The following LPAR1 variants were observed in gnomAD, a reference collection of about 807,000 sequenced individuals.
LPAR1 encodes the protein LPA receptor 1.
Under a neutral mutation model 23.8 loss-of-function variants are expected in LPAR1, and 5 were observed. The ratio of observed to expected loss-of-function variants is 0.21; its 90% CI spans 0.11 to 0.44. The LOEUF is 0.44. Among genes scored for constraint, LPAR1 ranks in the 20% least tolerant of loss-of-function variants. LPAR1 has a pLI of 0.99. For synonymous variants in LPAR1, 160 were observed against 164.7 expected, an observed-to-expected ratio of 0.97 and a Z score of 0.22; for missense variants, 311 against 482.8, an observed-to-expected ratio of 0.64 and a Z score of 3.33.
chr9:110,909,770 G>A (rs184667613), intron 5 of LPAR1, among the ~76,000 whole-genome samples: 2 of 120,444 alleles, frequency 1.7e-5, no homozygotes, highest in Admixed American at 8.5e-5. Flanking sequence ...TTTAGAGAGA[G>A]GGTCTGGCTC....
chr9:110,905,590 T>G (rs1205389354), intron 5 of LPAR1, among the ~76,000 whole-genome samples: 1 of 152,028 alleles, frequency 6.6e-6, no homozygotes. Flanking sequence ...CCAGACCTCA[T>G]GATCCGCCCA....
intron 5 of LPAR1, among the ~76,000 whole-genome samples, chr9:110,928,499 T>C (rs2094189425): frequency 1.3e-5 from 2 of 152,204 alleles, no homozygotes; most frequent in Admixed American, 6.5e-5. Context: ...AGAAATAGTG[T>C]TTTTAATTAA....
chr9:110,930,242 C>T (rs534081642), intron 5 of LPAR1, among the ~76,000 whole-genome samples: 10 of 152,264 alleles, frequency 6.6e-5, no homozygotes, highest in Non-Finnish European at 1.2e-4. Context: ...TTCCACCGGA[C>T]GTGGTGGCTC....
intron 1 of LPAR1, among the ~76,000 whole-genome samples, chr9:111,036,458 C>G (rs750082006): frequency 5.9e-5 from 9 of 152,084 alleles, no homozygotes; most frequent in Non-Finnish European, 1.3e-4. Context: ...TTGTTTTCTT[C>G]CATCTTCCTG....
At chr9:110,891,597 G>A (rs1481664881) in intron 5 of LPAR1, among the ~76,000 whole-genome samples, 1 of 152,132 alleles carries the variant, frequency 6.6e-6, no homozygotes, top group Admixed American at 6.5e-5. Flanking sequence ...TTTAAAACAT[G>A]AAGAAAAGAT....
intron 5 of LPAR1, among the ~76,000 whole-genome samples, chr9:110,894,831 C>T (rs1037456671): frequency 4.7e-5 from 7 of 150,100 alleles, no homozygotes; most frequent in East Asian, 2.0e-4. Context: ...GCCTGGGCAA[C>T]GAGCTGAAAC....
At chr9:110,959,495 G>A (rs971032990) in intron 4 of LPAR1, among the ~76,000 whole-genome samples, 1 of 152,102 alleles carries the variant, frequency 6.6e-6, no homozygotes, top group Non-Finnish European at 1.5e-5. Flanking sequence ...GTACACACCT[G>A]TGGTCCTAGC....
intron 5 of LPAR1, among the ~76,000 whole-genome samples, chr9:110,913,200 G>A (rs1380831506): frequency 1.3e-5 from 2 of 152,124 alleles, no homozygotes; most frequent in Admixed American, 6.6e-5. Context: ...TAGGAATCTA[G>A]CTATGTATCT....
chr9:110,875,792 A>G, intron 5 of LPAR1, 70 bp from the exon 6 acceptor site: 3 of 820,360 alleles, frequency 3.7e-6, no homozygotes, highest in Non-Finnish European at 3.6e-6. Flanking sequence ...AAAACATGCG[A>G]CCATAAAGTG....
At chr9:111,004,754 T>C (rs2097184300) in intron 2 of LPAR1, among the ~76,000 whole-genome samples, 1 of 152,198 alleles carries the variant, frequency 6.6e-6, no homozygotes, top group Non-Finnish European at 1.5e-5. Context: ...CTGCTTACTC[T>C]CCTTAGGCCA....
chr9:110,994,291 A>G (rs1447194371), intron 2 of LPAR1, among the ~76,000 whole-genome samples: 7 of 152,232 alleles, frequency 4.6e-5, no homozygotes, highest in African/African-American at 1.7e-4. Flanking sequence ...AGCCAAGAAA[A>G]AAGTTAGAAA....
At chr9:111,018,048 A>C (rs1383108446) in intron 2 of LPAR1, among the ~76,000 whole-genome samples, 2 of 152,050 alleles carry the variant, frequency 1.3e-5, no homozygotes, top group Non-Finnish European at 2.9e-5. Flanking sequence ...ACAAAAAAAA[A>C]CTTTTTCACA....
At chr9:110,886,132 A>T (rs917686117) in intron 5 of LPAR1, among the ~76,000 whole-genome samples, 2 of 150,352 alleles carry the variant, frequency 1.3e-5, no homozygotes, top group Admixed American at 6.7e-5. Context: ...TGAGAGGTAG[A>T]GGTTGCAGTG....
intron 2 of LPAR1, among the ~76,000 whole-genome samples, chr9:111,020,783 C>T (rs2097546704): frequency 6.6e-6 from 1 of 152,076 alleles, no homozygotes; most frequent in Admixed American, 6.6e-5. Flanking sequence ...AGCCTGGAGT[C>T]CTGGCTGGTT....
intron 4 of LPAR1, among the ~76,000 whole-genome samples, chr9:110,963,051 T>C (rs1422905079): frequency 1.3e-5 from 2 of 152,066 alleles, no homozygotes; most frequent in African/African-American, 2.4e-5. Context: ...AGTTCCCTAA[T>C]GGGCAAGAAG....
intron 2 of LPAR1, among the ~76,000 whole-genome samples, chr9:111,017,621 T>C (rs1316841716): frequency 1.3e-5 from 2 of 152,244 alleles, no homozygotes; most frequent in Non-Finnish European, 2.9e-5. Context: ...TTCTTTGCTA[T>C]TCATTTTTAG....
chr9:110,910,660 C>A (rs1385440588), intron 5 of LPAR1, among the ~76,000 whole-genome samples: 1 of 152,186 alleles, frequency 6.6e-6, no homozygotes, highest in African/African-American at 2.4e-5. Flanking sequence ...ATTCACCATT[C>A]TAGATGCCAT....
chr9:110,928,888 CCTT>C (rs1177750094), intron 5 of LPAR1, among the ~76,000 whole-genome samples: 1 of 152,228 alleles, frequency 6.6e-6, no homozygotes, highest in African/African-American at 2.4e-5. Flanking sequence ...TAAGTGGCTA[CCTT>C]CTCTCTCCCA....
chr9:110,941,489 T>C lies in LPAR1; in HGVS notation c.725A>G (p.His242Arg), dbSNP rs766214494. 4 of 1,614,112 alleles carry C rather than the reference T, an allele frequency of 2.5e-6. No individual in the cohort carries two copies. The highest frequency in any genetic ancestry group is 3.4e-6 in the Non-Finnish European group (4 of 1,179,988). ...CCGATTCCGCCGGGGTCCAGAACTA[T>C]GCCGAGACATTCTCATAGTCCTCTG... ...VRQRTMRMSR[H>R]SSGPRRNRDT... The change falls in exon 5 of 6, where the codon CAT (histidine) becomes CGT (arginine). Residue 242 changes from histidine to arginine, a missense_variant. Physicochemically the swap from His to Arg is conservative, Grantham distance 29. Coordinates refer to ENST00000683809, the MANE Select transcript of LPAR1 (RefSeq NM_001351411.2). The surrounding 1 kb of genome is among the most constrained non-coding windows in gnomAD (Gnocchi z 6.1).
Sources: gnomAD v4.1 joint callset for allele counts (sites outside exome capture counted in the v4.1 genomes callset) on GRCh38, gnomAD v4.1.1 for gene constraint, Gnocchi (gnomAD v3.1) non-coding constraint, MANE v1.5 for transcripts, NCBI Gene and HGNC (gene_info 2026-07-23, HGNC 2026-07-21) for gene names.